Variants in DLG2 observed in about 807,000 individuals in gnomAD.
The protein encoded by DLG2 is disks large homolog 2.
Under a neutral mutation model 132.5 loss-of-function variants are expected in DLG2, and 45 were observed. The ratio of observed to expected loss-of-function variants is 0.34; its 90% CI spans 0.27 to 0.44. DLG2 has a LOEUF of 0.44. Among genes scored for constraint, DLG2 ranks in the 20% least tolerant of loss-of-function variants. The pLI, the probability that DLG2 is intolerant of heterozygous loss-of-function variation, is 1.00. For missense variants in DLG2, 1,045 were observed against 1,196.9 expected (o/e 0.87, Z 1.87); for synonymous variants, 424 against 419.6 (o/e 1.01, Z -0.13).
At chr11:84,140,613 C>T (rs534766855) in intron 9 of DLG2, among the ~76,000 whole-genome samples, 5 of 152,064 alleles carry the variant, frequency 3.3e-5, no homozygotes, top group Non-Finnish European at 7.4e-5. Context: ...TGTTACGGAG[C>T]TTTGAATAAG....
chr11:84,527,229 A>C (rs1218537196), intron 7 of DLG2, among the ~76,000 whole-genome samples: 1 of 152,202 alleles, frequency 6.6e-6, no homozygotes, highest in Non-Finnish European at 1.5e-5. Flanking sequence ...TCTTATGACC[A>C]GTCGGGGTTG....
chr11:84,066,777 T>TA (rs1324630706), intron 10 of DLG2, among the ~76,000 whole-genome samples: 2 of 151,552 alleles, frequency 1.3e-5, no homozygotes, highest in African/African-American at 2.4e-5. Flanking sequence ...AGAAAAAAAG[T>TA]AAAAAAAGGT....
chr11:84,020,775 C>T (rs1451094840), intron 11 of DLG2, among the ~76,000 whole-genome samples: 1 of 152,168 alleles, frequency 6.6e-6, no homozygotes, highest in African/African-American at 2.4e-5. Context: ...TCAGCTCTCT[C>T]AGGACGGCAT....
chr11:85,222,689 CTA>C (rs1038370801), intron 4 of DLG2, among the ~76,000 whole-genome samples: 2 of 152,162 alleles, frequency 1.3e-5, no homozygotes, highest in Non-Finnish European at 2.9e-5. Flanking sequence ...AACTACTCTG[CTA>C]TGTTTGTTCT....
intron 3 of DLG2, among the ~76,000 whole-genome samples, chr11:85,507,241 G>C (rs2093956706): frequency 6.6e-6 from 1 of 152,174 alleles, no homozygotes; most frequent in Non-Finnish European, 1.5e-5. Context: ...GTGTGAATTT[G>C]ATCCTGTCAT....
At chr11:84,959,704 T>C (rs537342189) in intron 6 of DLG2, among the ~76,000 whole-genome samples, 12 of 152,360 alleles carry the variant, frequency 7.9e-5, no homozygotes, top group African/African-American at 2.4e-4. Flanking sequence ...ATTATAATAT[T>C]AATCACTTAT....
intron 6 of DLG2, among the ~76,000 whole-genome samples, chr11:84,560,040 G>T (rs2099421628): frequency 6.6e-6 from 1 of 152,064 alleles, no homozygotes. Context: ...AGTATCTTGT[G>T]TACTTGTTGG....
At chr11:85,337,246 C>CT (rs1361032015) in intron 3 of DLG2, among the ~76,000 whole-genome samples, 11 of 151,850 alleles carry the variant, frequency 7.2e-5, no homozygotes, top group Non-Finnish European at 8.8e-5. Flanking sequence ...TATTTTAATT[C>CT]TTTTTCTTTT....
At chr11:84,427,903 T>C (rs2098972155) in intron 7 of DLG2, among the ~76,000 whole-genome samples, 2 of 152,214 alleles carry the variant, frequency 1.3e-5, no homozygotes, top group Non-Finnish European at 2.9e-5. Context: ...AGGAACTTTC[T>C]CCAAGACTAG....
At chr11:84,465,376 T>C (rs536847847) in intron 7 of DLG2, among the ~76,000 whole-genome samples, 1 of 151,374 alleles carries the variant, frequency 6.6e-6, no homozygotes, top group East Asian at 2.0e-4. Flanking sequence ...TTTATTTGCC[T>C]CATATCTACT....
chr11:85,070,787 GC>G (rs1240815968), intron 6 of DLG2, among the ~76,000 whole-genome samples: 1 of 151,750 alleles, frequency 6.6e-6, no homozygotes, highest in Non-Finnish European at 1.5e-5. Flanking sequence ...GACTACTCTA[GC>G]CCAAGCCATC....
intron 6 of DLG2, among the ~76,000 whole-genome samples, chr11:84,862,530 T>C (rs985869394): frequency 1.3e-5 from 2 of 152,278 alleles, no homozygotes; most frequent in East Asian, 1.9e-4. Flanking sequence ...CGTATGTTTA[T>C]TGCAGCACTA....
At chr11:84,597,180 A>G (rs34375084) in intron 6 of DLG2, among the ~76,000 whole-genome samples, 1 of 152,088 alleles carries the variant, frequency 6.6e-6, no homozygotes, top group African/African-American at 2.4e-5. Flanking sequence ...AGATTGCGCC[A>G]CTGCACTCCA....
At chr11:84,428,114 C>A (rs1425288778) in intron 7 of DLG2, among the ~76,000 whole-genome samples, 6 of 152,144 alleles carry the variant, frequency 3.9e-5, no homozygotes, top group South Asian at 2.1e-4. Flanking sequence ...ATAAAGACAA[C>A]CAAAGCTATC....
At chr11:85,114,735 T>C (rs571499553) in intron 5 of DLG2, among the ~76,000 whole-genome samples, 2 of 152,098 alleles carry the variant, frequency 1.3e-5, no homozygotes, top group Admixed American at 6.6e-5. Flanking sequence ...CTGAGATTGA[T>C]TGTATAAATA....
chr11:84,447,354 G>C (rs1323191049), intron 7 of DLG2, among the ~76,000 whole-genome samples: 1 of 151,986 alleles, frequency 6.6e-6, no homozygotes, highest in African/African-American at 2.4e-5. Flanking sequence ...CAATCTTTAA[G>C]GAAGACAAAA....
At chr11:84,533,620 T>C (rs1035734640) in intron 7 of DLG2, among the ~76,000 whole-genome samples, 14 of 152,136 alleles carry the variant, frequency 9.2e-5, no homozygotes, top group Admixed American at 6.6e-5. Flanking sequence ...CTCTCTTAGA[T>C]GTTTTTGCAG....
intron 18 of DLG2, among the ~76,000 whole-genome samples, chr11:83,669,889 A>G (rs994830083): frequency 1.3e-5 from 2 of 152,264 alleles, no homozygotes; most frequent in Non-Finnish European, 2.9e-5. Context: ...TCGTTAGGAC[A>G]AGCCAAAGGA....
At chr11:84,453,735 T>C (rs909213395) in intron 7 of DLG2, among the ~76,000 whole-genome samples, 11 of 151,702 alleles carry the variant, frequency 7.3e-5, no homozygotes, top group African/African-American at 2.7e-4. Flanking sequence ...AAGTACCTTG[T>C]TGGGGGTTGA....
Sources: gnomAD v4.1 joint callset for allele counts (sites outside exome capture counted in the v4.1 genomes callset) on GRCh38, gnomAD v4.1.1 for gene constraint, MANE v1.5 for transcripts, NCBI Gene and HGNC (gene_info 2026-07-23, HGNC 2026-07-21) for gene names.